The following ATXN2 variants were observed in gnomAD, a reference collection of about 807,000 sequenced individuals.
ATXN2 encodes ataxin 2, also known as ataxin-2.
Under a neutral mutation model 138.6 loss-of-function variants are expected in ATXN2, and 37 were observed. That is an observed-to-expected ratio of 0.27 (90% confidence interval 0.21 to 0.35). The LOEUF (loss-of-function observed/expected upper bound fraction) is 0.35, where lower values mean the gene tolerates loss of function less well. Ranked by LOEUF, ATXN2 falls within the 10% of genes least tolerant of loss-of-function variation. The pLI, the probability that ATXN2 is intolerant of heterozygous loss-of-function variation, is 1.00. For synonymous variants in ATXN2, 549 were observed against 543.7 expected (o/e 1.01, Z -0.13); for missense variants, 1,216 against 1,480.3 (o/e 0.82, Z 2.93).
At chr12:111,458,691 C>T (rs753996858) in intron 21 of ATXN2, among the ~76,000 whole-genome samples, 12 of 152,172 alleles carry the variant, frequency 7.9e-5, no homozygotes, top group Non-Finnish European at 1.2e-4. Flanking sequence ...CTTCATATAA[C>T]GTGTTAGCAA....
intron 14 of ATXN2, among the ~76,000 whole-genome samples, chr12:111,493,639 T>C (rs1878199789): frequency 6.6e-6 from 1 of 151,954 alleles, no homozygotes; most frequent in Non-Finnish European, 1.5e-5. Flanking sequence ...AATTTTTTTT[T>C]TTTTTGTGAG....
At chr12:111,473,662 T>C (rs1876579615) in intron 18 of ATXN2, among the ~76,000 whole-genome samples, 1 of 151,950 alleles carries the variant, frequency 6.6e-6, no homozygotes, top group African/African-American at 2.4e-5. Flanking sequence ...TATTATCTCC[T>C]GGATAGATAA....
At chr12:111,503,986 C>T (rs1341335905) in intron 14 of ATXN2, among the ~76,000 whole-genome samples, 1 of 152,144 alleles carries the variant, frequency 6.6e-6, no homozygotes, top group Non-Finnish European at 1.5e-5. Context: ...TTTGGTTATT[C>T]AGGCACCTAA....
At chr12:111,574,488 C>T (rs768364419) in intron 1 of ATXN2, among the ~76,000 whole-genome samples, 6 of 151,568 alleles carry the variant, frequency 4.0e-5, no homozygotes, top group Admixed American at 1.3e-4. Context: ...TATACAGTGG[C>T]GCAATCATAG....
At chr12:111,466,181 AAT>A (rs1321750914) in intron 20 of ATXN2, among the ~76,000 whole-genome samples, 1 of 148,380 alleles carries the variant, frequency 6.7e-6, no homozygotes, top group Non-Finnish European at 1.5e-5. Context: ...TTAAAAAAAA[AAT>A]AAAAAATAAA....
chr12:111,597,821 G>T, intron 1 of ATXN2: 1 of 1,259,452 alleles, frequency 7.9e-7, no homozygotes, highest in Non-Finnish European at 1.0e-6. Context: ...AAATTGGGGC[G>T]GGGGTTGGGA....
intron 5 of ATXN2, among the ~76,000 whole-genome samples, chr12:111,534,170 C>T (rs1010988292): frequency 1.1e-4 from 17 of 152,066 alleles, no homozygotes; most frequent in African/African-American, 4.1e-4. Context: ...GAAGCCAAGG[C>T]AGGTGGACTG....
intron 14 of ATXN2, among the ~76,000 whole-genome samples, chr12:111,492,525 T>A (rs1416038703): frequency 6.6e-6 from 1 of 151,822 alleles, no homozygotes. Context: ...TTACTAAAAA[T>A]ACAAAAATTA....
chr12:111,565,301 G>T (rs1882934418), intron 1 of ATXN2, among the ~76,000 whole-genome samples: 1 of 152,146 alleles, frequency 6.6e-6, no homozygotes, highest in East Asian at 1.9e-4. Flanking sequence ...CCCGAGTCGG[G>T]CAAGTCCATT....
At chr12:111,467,412 C>T (rs900074342) in intron 20 of ATXN2, among the ~76,000 whole-genome samples, 4 of 149,716 alleles carry the variant, frequency 2.7e-5, no homozygotes, top group Non-Finnish European at 5.9e-5. Context: ...ACTTCAGCCT[C>T]CCCAAGTTCT....
Position 111,477,873 on chromosome 12 carries a change from G to A in ATXN2, c.2525-7131C>T, listed in dbSNP as rs896451946. Among the ~76,000 whole-genome samples the A allele has an allele frequency of 2.6e-5, 4 of 151,410 alleles. No homozygotes were observed. In the South Asian group the frequency reaches 8.3e-4, roughly 32 times the overall value. Reference sequence around the variant, plus strand: ...CCCCTCCATCGCCCTCCAAACCCCCGCAACCTCGCTCAAGCGATTGTCCCA... The same window carrying A: ...CCCCTCCATCGCCCTCCAAACCCCCACAACCTCGCTCAAGCGATTGTCCCA... On this transcript the variant is annotated intron_variant, in intron 18 of 24. Transcript: ENST00000673436.
At chr12:111,559,863 T>C (rs995508163) in intron 1 of ATXN2, among the ~76,000 whole-genome samples, 3 of 151,996 alleles carry the variant, frequency 2.0e-5, no homozygotes, top group African/African-American at 7.3e-5. Flanking sequence ...CACCATAATT[T>C]AGGAGAAAAA....
intron 13 of ATXN2, 28 bp downstream of exon 13, chr12:111,509,863 T>A: frequency 6.6e-7 from 1 of 1,507,190 alleles, no homozygotes; most frequent in African/African-American, 1.4e-5. Flanking sequence ...TTCCTACAGT[T>A]AAGCTTAATG....
chr12:111,487,669 G>C (rs1766622261), intron 15 of ATXN2, among the ~76,000 whole-genome samples: 1 of 151,846 alleles, frequency 6.6e-6, no homozygotes, highest in African/African-American at 2.4e-5. Flanking sequence ...ATGTTGGCCA[G>C]GCTGGTCTTC....
intron 14 of ATXN2, among the ~76,000 whole-genome samples, chr12:111,501,980 C>T (rs58740648): frequency 0.1 from 15,503 of 152,042 alleles, 2,645 homozygotes; most frequent in African/African-American, 0.35. Flanking sequence ...CAACCTCCAT[C>T]TCCCAGGCTC....
chr12:111,531,508 G>A (rs180983162), intron 5 of ATXN2, among the ~76,000 whole-genome samples: 3 of 152,298 alleles, frequency 2.0e-5, no homozygotes, highest in Admixed American at 1.3e-4. Flanking sequence ...CAGGGAAGTG[G>A]GACTGGGGGT....
At chr12:111,461,954 A>T (rs576910153) in intron 21 of ATXN2, among the ~76,000 whole-genome samples, 70 of 151,354 alleles carry the variant, frequency 4.6e-4, no homozygotes, top group Non-Finnish European at 8.5e-4. Context: ...AACCAAGATA[A>T]GGTAAAGAAG....
intron 1 of ATXN2, among the ~76,000 whole-genome samples, chr12:111,591,452 T>C (rs1429687613): frequency 6.6e-6 from 1 of 152,038 alleles, no homozygotes; most frequent in Non-Finnish European, 1.5e-5. Context: ...GGAGGATCAC[T>C]TGAGCCCAGG....
At chr12:111,509,152 T>C (rs969807982) in intron 14 of ATXN2, among the ~76,000 whole-genome samples, 2 of 152,228 alleles carry the variant, frequency 1.3e-5, no homozygotes, top group African/African-American at 4.8e-5. Flanking sequence ...ACAATATATT[T>C]GTGTACAAAG....
Sources: allele counts gnomAD v4.1 joint callset (sites outside exome capture counted in the v4.1 genomes callset), GRCh38; gene constraint gnomAD v4.1.1; transcripts MANE v1.5; gene names NCBI Gene and HGNC (gene_info 2026-07-23, HGNC 2026-07-21).